PLCD1: variants seen among roughly 807,000 people sequenced by gnomAD.
PLCD1 encodes the protein phospholipase C delta 1, also known as 1-phosphatidylinositol 4,5-bisphosphate phosphodiesterase delta-1.
A neutral mutation model predicts 87.4 loss-of-function variants in PLCD1; 71 were observed. The observed-to-expected ratio is 0.81, with a 90% CI of 0.67 to 0.99. PLCD1 has a LOEUF of 0.99. PLCD1 is among the 50% of genes least tolerant of loss of function. The pLI, the probability that PLCD1 is intolerant of heterozygous loss-of-function variation, is 0.00. For synonymous variants in PLCD1, 348 were observed against 399.2 expected, an observed-to-expected ratio of 0.87 and a Z score of 1.53; for missense variants, 867 against 1,001.5, an observed-to-expected ratio of 0.87 and a Z score of 1.81.
At position 38,025,306 on chromosome 3, in the gene PLCD1, C is replaced by G. The variant is rs961174025; in HGVS notation, c.34+4200G>C. ...GGAGCCGGAGCGGCGAATTCTAACGCCACCTTTGAGGCTGGCGCAGAACCG... is the reference window on the plus strand; with the variant it reads ...GGAGCCGGAGCGGCGAATTCTAACGGCACCTTTGAGGCTGGCGCAGAACCG... On this transcript the variant is annotated intron_variant, in intron 1 of 14. Coordinates refer to ENST00000334661, the MANE Select transcript of PLCD1 (RefSeq NM_006225.4). The surrounding 1 kb of genome is among the most constrained non-coding windows in gnomAD (Gnocchi z 4.0). Among the ~76,000 whole-genome samples, 1 of 152,216 alleles carries G rather than the reference C, an allele frequency of 6.6e-6. No individual in the cohort carries two copies. The highest frequency in any genetic ancestry group is 1.5e-5 in the Non-Finnish European group (1 of 68,040).
Position 38,010,484 on chromosome 3 carries a change from G to A in PLCD1, c.869C>T (p.Ala290Val), listed in dbSNP as rs1700054820. Residue 290 changes from alanine (A) to valine (V), a missense_variant, in exon 6 of 15, where the codon GCA becomes GTA. Coordinates refer to ENST00000334661, the MANE Select transcript of PLCD1 (RefSeq NM_006225.4). ...CATGTCCTGGTAGACACGGCGGTGT[G>A]CCAGGCTGAAGGCGCTGCCGTCAGC... The part of the protein sequence containing the change: ...LSADGSAFSL[A>V]HRRVYQDMGQ... The A allele has an allele frequency of 1.9e-6, 3 of 1,614,058 alleles. No individual in the cohort carries two copies. The highest frequency in any genetic ancestry group is 3.3e-4 in the Middle Eastern group (2 of 6,062).
Position 38,008,443 on chromosome 3 carries a change from C to G in PLCD1, c.1902+15G>C. 1 of 1,614,090 alleles carries G rather than the reference C, an allele frequency of 6.2e-7. No homozygotes were observed. The highest frequency in any genetic ancestry group is 8.5e-7 in the Non-Finnish European group (1 of 1,179,952). ...GGAGGTCCGTGGGCACCTGTCCCTC[C>G]TAGGTCCAGCGTACCCTGATGTTGA... is the stretch of plus-strand genomic sequence containing the variant. On this transcript the variant is annotated intron_variant, in intron 12 of 14. Transcript: ENST00000334661.
chr3:38,010,197 G>A lies in PLCD1; in HGVS notation c.1071C>T (p.Gly357=). The A allele has an allele frequency of 1.2e-6, 2 of 1,614,256 alleles. No individual in the cohort carries two copies. The highest frequency in any genetic ancestry group is 1.1e-5 in the South Asian group (1 of 91,086). The change falls in exon 7 of 15, where the codon GGC becomes GGT. Residue 357 remains glycine (G), a synonymous_variant. Transcript: ENST00000334661. ...GPNQEPIIYH[G]YTFTSKILFC... ...AGAGGATCTTGGAAGTGAAAGTATA[G>A]CCGTGGTAGATGATTGGTTCCTGGT... is the stretch of plus-strand genomic sequence containing the variant.
chr3:38,020,234 G>GA lies in PLCD1; in HGVS notation c.152dup (p.Trp52LeufsTer39). On this transcript the variant is annotated frameshift_variant, in exon 2 of 15. Transcript: ENST00000334661. LOFTEE classifies it high-confidence loss of function. ...GCATGACCTTGCGGGACTCCTGCCAGATGGTCTTGCAGTCCTCCTGCAACT... is the reference window on the plus strand; with the variant it reads ...GCATGACCTTGCGGGACTCCTGCCAGAATGGTCTTGCAGTCCTCCTGCAACT... 1 of 1,614,094 alleles carries GA rather than the reference G, an allele frequency of 6.2e-7. No individual in the cohort carries two copies. Among genetic ancestry groups the GA allele is most frequent in the Non-Finnish European group, 8.5e-7 (1 of 1,180,008 alleles).
intron 5 of PLCD1, among the ~76,000 whole-genome samples, chr3:38,010,956 T>C (rs540175927): frequency 3.3e-5 from 5 of 152,194 alleles, no homozygotes; most frequent in Non-Finnish European, 7.4e-5. Context: ...CTCTCTTGTT[T>C]CTTGAAGAAG....
Position 38,025,300 on chromosome 3 carries a change from C to G in PLCD1, c.34+4206G>C, listed in dbSNP as rs1700297120. Among the ~76,000 whole-genome samples the G allele has an allele frequency of 6.6e-6, 1 of 152,224 alleles. No individual in the cohort carries two copies. The highest frequency in any genetic ancestry group is 1.5e-5 in the Non-Finnish European group (1 of 68,048). ...GACCAAGGAGCCGGAGCGGCGAATT[C>G]TAACGCCACCTTTGAGGCTGGCGCA... On this transcript the variant is annotated intron_variant, in intron 1 of 14. Coordinates refer to ENST00000334661, the MANE Select transcript of PLCD1 (RefSeq NM_006225.4). This position sits in a 1 kb window ranked among gnomAD's most constrained non-coding sequence, Gnocchi z 4.0.
Position 38,020,359 on chromosome 3 carries a change from A to G in PLCD1, c.35-7T>C, listed in dbSNP as rs748296001. On this transcript the variant is annotated splice_region_variant and splice_polypyrimidine_tract_variant and intron_variant, in intron 1 of 14. Transcript: ENST00000334661. The stretch of plus-strand genomic sequence containing the variant: ...TCCTCATCATCCTGTAGGCCTGGGG[A>G]TCAAAGCCAGTAAGATGCCACCTTC... The G allele has an allele frequency of 1.9e-6, 3 of 1,613,538 alleles. No homozygotes were observed. In the East Asian group the frequency reaches 6.7e-5, roughly 36 times the overall value.
At position 38,009,340 on chromosome 3, in the gene PLCD1, G is replaced by T. The variant is rs746720554; in HGVS notation, c.1538C>A (p.Pro513His). 1 of 1,614,172 alleles carries T rather than the reference G, an allele frequency of 6.2e-7. No individual in the cohort carries two copies. Among genetic ancestry groups the T allele is most frequent in the African/African-American group, 1.3e-5 (1 of 75,044 alleles). The stretch of plus-strand genomic sequence containing the variant: ...CGCCATCTCGTAGAAGGCCTGTCCA[G>T]GGGTGCCAGGACTGGAGAAGCCCCC... Reference protein sequence around the residue: ...HFGGFSSPGTPGQAFYEMASF... With the variant: ...HFGGFSSPGTHGQAFYEMASF... The change falls in exon 10 of 15, where the codon CCT (proline) becomes CAT (histidine). Residue 513 changes from proline (P) to histidine (H), a missense_variant. Physicochemically the swap from Pro to His is moderately conservative, Grantham distance 77. Coordinates refer to ENST00000334661, the MANE Select transcript of PLCD1 (RefSeq NM_006225.4).
chr3:38,020,435 G>T, intron 1 of PLCD1, 83 bp from the exon 2 acceptor site: 2 of 1,317,308 alleles, frequency 1.5e-6, no homozygotes, highest in Non-Finnish European at 1.1e-6. Context: ...TGCCCACCTC[G>T]ACCCTCTCAG....
rs1332579751 is a variant in PLCD1, at chr3:38,018,443, T to C, written c.200-1724A>G. Among the ~76,000 whole-genome samples, 2 of 152,216 alleles carry C rather than the reference T, an allele frequency of 1.3e-5. No homozygotes were observed. The highest frequency in any genetic ancestry group is 1.9e-4 in the East Asian group (1 of 5,166). ...TCATGCCTGTTCCTCCTCCTCACCC[T>C]GCACCTTGGCTCACACTGGGCCTCC... On this transcript the variant is annotated intron_variant, in intron 2 of 14. Transcript: ENST00000334661. This position sits in a 1 kb window ranked among gnomAD's most constrained non-coding sequence, Gnocchi z 5.7.
chr3:38,026,975 G>T (rs1039767413), intron 1 of PLCD1, among the ~76,000 whole-genome samples: 1 of 152,176 alleles, frequency 6.6e-6, no homozygotes, highest in South Asian at 2.1e-4. Context: ...AAGGGATTGG[G>T]TGTAGGAAAA....
rs1211311337 is a variant in PLCD1 at position 38,029,544 on chromosome 3, G to A, written c.-5C>T. 9.8e-6 allele frequency: 15 copies of A among 1,537,330 alleles called. No homozygotes were observed. In the Middle Eastern group the frequency reaches 6.6e-4, roughly 67 times the overall value. On this transcript the variant is annotated 5_prime_UTR_variant, in exon 1 of 15. Coordinates refer to ENST00000334661, the MANE Select transcript of PLCD1 (RefSeq NM_006225.4). ...GAAGTCCCGGCCCGAGTCCATGCCCGACGGGCGGCGCGGCGGGAGGGGCAC... is the reference window on the plus strand; with the variant it reads ...GAAGTCCCGGCCCGAGTCCATGCCCAACGGGCGGCGCGGCGGGAGGGGCAC...
chr3:38,018,626 T>G lies in PLCD1; in HGVS notation c.199+1562A>C, dbSNP rs1167637366. Among the ~76,000 whole-genome samples the G allele has an allele frequency of 6.6e-6, 1 of 151,800 alleles. No homozygotes were observed. The highest frequency in any genetic ancestry group is 1.9e-4 in the East Asian group (1 of 5,168). ...CCAAGAGCTAGGCACACACTGGGAGTCATCCATACGTATCGGTAGGTAGGT... is the reference window on the plus strand; with the variant it reads ...CCAAGAGCTAGGCACACACTGGGAGGCATCCATACGTATCGGTAGGTAGGT... On this transcript the variant is annotated intron_variant, in intron 2 of 14. Coordinates refer to ENST00000334661, the MANE Select transcript of PLCD1 (RefSeq NM_006225.4). This position sits in a 1 kb window ranked among gnomAD's most constrained non-coding sequence, Gnocchi z 5.7.
At position 38,014,123 on chromosome 3, in the gene PLCD1, C is replaced by T. The variant is rs9830365; in HGVS notation, c.428+2368G>A. ...CATGTTCATGGATCAGAAGACTTGA[C>T]ATTATTATACTGGGAATATGCTCCA... On this transcript the variant is annotated intron_variant, in intron 3 of 14. Transcript: ENST00000334661. Among the ~76,000 whole-genome samples the T allele has an allele frequency of 4.1e-3, 619 of 152,200 alleles. 3 individuals are homozygous for T. The highest frequency in any genetic ancestry group is 0.014 in the African/African-American group (595 of 41,522).
rs992887430 is a variant in PLCD1, at chr3:38,024,795, G to C, written c.35-4443C>G. ...GAGGCGGGACGAGAAGAAAATCTGGGCTAAGGAGGGCAGAGTCAGACCCCA... is the reference window on the plus strand; with the variant it reads ...GAGGCGGGACGAGAAGAAAATCTGGCCTAAGGAGGGCAGAGTCAGACCCCA... On this transcript the variant is annotated intron_variant, in intron 1 of 14. Transcript: ENST00000334661. 26 of 1,226,676 alleles carry C rather than the reference G, an allele frequency of 2.1e-5. No homozygotes were observed. In the African/African-American group the frequency reaches 3.9e-4, roughly 18 times the overall value. The allele number at this position is 1,226,676 out of a possible 1,614,324, so 76.0% of individuals were successfully genotyped here. A position where few individuals can be genotyped will look rare whatever the true frequency, so the allele number is the denominator to read the frequency against.
intron 1 of PLCD1, among the ~76,000 whole-genome samples, chr3:38,020,873 C>T (rs987213603): frequency 5.3e-5 from 8 of 152,290 alleles, no homozygotes; most frequent in African/African-American, 1.9e-4. Context: ...GTCCCAACTC[C>T]AATAGCTCCA....
In PLCD1 at chr3:38,009,126, G is replaced by A; in HGVS notation, c.1639C>T (p.Leu547=). 6.2e-7 allele frequency: 1 copy of A among 1,614,184 alleles called. No homozygotes were observed. Among genetic ancestry groups the A allele is most frequent in the Non-Finnish European group, 8.5e-7 (1 of 1,180,024 alleles). Residue 547 remains leucine, a synonymous_variant, in exon 11 of 15, where the codon CTG becomes TTG. Coordinates refer to ENST00000334661, the MANE Select transcript of PLCD1 (RefSeq NM_006225.4). The stretch of plus-strand genomic sequence containing the variant: ...CATCCAGCCGGGTAGATTCTGCTCA[G>A]GTGCCCCACGTTGTGGCGGACAAAG... The part of the protein sequence containing the change: ...NGFVRHNVGH[L]SRIYPAGWRT...
In PLCD1 at chr3:38,029,482, CGCTCGCGCGG is replaced by C; in HGVS notation, c.34+14_34+23del. ...AGGGGTCCACCCCTGCAGGGTCTCC[CGCTCGCGCGG>C]GCCAGGCACTCACCGTGCAGGGTCA... On this transcript the variant is annotated intron_variant, in intron 1 of 14. Transcript: ENST00000334661. 6.5e-7 allele frequency: 1 copy of C among 1,537,880 alleles called. No individual in the cohort carries two copies. Among genetic ancestry groups the C allele is most frequent in the Non-Finnish European group, 8.7e-7 (1 of 1,145,026 alleles).
Position 38,025,071 on chromosome 3 carries a change from G to A in PLCD1, c.34+4435C>T, listed in dbSNP as rs771280799. On this transcript the variant is annotated intron_variant, in intron 1 of 14. Coordinates refer to ENST00000334661, the MANE Select transcript of PLCD1 (RefSeq NM_006225.4). This position sits in a 1 kb window ranked among gnomAD's most constrained non-coding sequence, Gnocchi z 4.0. ...GGGCCAGGCTCAGAGGCGGAGCTCA[G>A]GCCGGGAGCCTCTGCTCCAGAGGCG... Among the ~76,000 whole-genome samples, 96 of 152,006 alleles carry A rather than the reference G, an allele frequency of 6.3e-4. No homozygotes were observed. Among genetic ancestry groups the A allele is most frequent in the East Asian group, 9.7e-4 (5 of 5,158 alleles).
Sources: gnomAD v4.1 joint callset for allele counts (sites outside exome capture counted in the v4.1 genomes callset) on GRCh38, gnomAD v4.1.1 for gene constraint, Gnocchi (gnomAD v3.1) non-coding constraint, MANE v1.5 for transcripts, NCBI Gene and HGNC (gene_info 2026-07-23, HGNC 2026-07-21) for gene names.